The following GPC5 variants were observed in gnomAD, a reference collection of about 807,000 sequenced individuals.
GPC5 encodes glypican 5.
In GPC5, 47 loss-of-function variants were observed where a neutral mutation model predicts 53.9. The ratio of observed to expected loss-of-function variants is 0.87; its 90% confidence interval spans 0.69 to 1.11. The LOEUF (loss-of-function observed/expected upper bound fraction) is 1.11. Ranked by LOEUF, GPC5 falls within the 50% of genes most tolerant of loss-of-function variation. GPC5 has a pLI of 0.00. For synonymous variants in GPC5, 286 were observed against 263.3 expected, an observed-to-expected ratio of 1.09 and a Z score of -0.84; for missense variants, 748 against 713.1, an observed-to-expected ratio of 1.05 and a Z score of -0.56.
At chr13:92,481,580 C>T (rs545169602) in intron 7 of GPC5, among the ~76,000 whole-genome samples, 9 of 152,228 alleles carry the variant, frequency 5.9e-5, no homozygotes, top group East Asian at 1.9e-4. Flanking sequence ...TTACATCTCC[C>T]GTTCCAGAAT....
At chr13:92,669,795 G>T (rs931505632) in intron 7 of GPC5, among the ~76,000 whole-genome samples, 4 of 151,994 alleles carry the variant, frequency 2.6e-5, no homozygotes, top group Admixed American at 6.6e-5. Flanking sequence ...ACTCAGAATT[G>T]CACACAAGGC....
rs140790450 is a variant in GPC5 at position 91,432,205 on chromosome 13, G to GCTGC, written c.164-16556_164-16555insCTGC. ...TTCCACTGCTGCTGCTGCTGCTGCT[G>GCTGC]TGTGTGTGTGTGTGTGTGTGTGTGT... On this transcript the variant is annotated intron_variant, in intron 1 of 7. Coordinates refer to ENST00000377067, the MANE Select transcript of GPC5 (RefSeq NM_004466.6). Among the ~76,000 whole-genome samples, 228 of 119,570 alleles carry GCTGC rather than the reference G, an allele frequency of 1.9e-3. 4 individuals carry two copies. Among genetic ancestry groups the GCTGC allele is most frequent in the Middle Eastern group, 3.9e-3 (1 of 256 alleles). 78.4% of individuals were successfully genotyped at this position (119,570 alleles called of 152,430 possible).
chr13:92,831,622 A>C (rs961397144), intron 7 of GPC5, among the ~76,000 whole-genome samples: 1 of 152,184 alleles, frequency 6.6e-6, no homozygotes, highest in African/African-American at 2.4e-5. Flanking sequence ...TGCAAGAAAC[A>C]AAAAGCATTA....
intron 6 of GPC5, among the ~76,000 whole-genome samples, chr13:91,941,498 C>A (rs185948644): frequency 4.6e-5 from 7 of 152,212 alleles, no homozygotes; most frequent in Non-Finnish European, 7.4e-5. Flanking sequence ...TTCCTAGGAA[C>A]TCTCTCTTCA....
intron 7 of GPC5, among the ~76,000 whole-genome samples, chr13:92,779,187 C>T (rs1298364423): frequency 6.6e-6 from 1 of 152,008 alleles, no homozygotes; most frequent in East Asian, 1.9e-4. Context: ...AGAGCTTGTG[C>T]AGGGAAACTC....
intron 7 of GPC5, among the ~76,000 whole-genome samples, chr13:92,845,738 G>C (rs1878591970): frequency 6.6e-6 from 1 of 152,114 alleles, no homozygotes; most frequent in Admixed American, 6.6e-5. Flanking sequence ...TACAGTAGAG[G>C]AGGATTTACA....
At chr13:92,192,216 C>T (rs1308484780) in intron 7 of GPC5, among the ~76,000 whole-genome samples, 1 of 152,020 alleles carries the variant, frequency 6.6e-6, no homozygotes, top group Non-Finnish European at 1.5e-5. Flanking sequence ...CAAGAGCAAA[C>T]CCTAATGTCA....
intron 4 of GPC5, among the ~76,000 whole-genome samples, chr13:91,730,852 A>C (rs2036681682): frequency 6.6e-6 from 1 of 152,134 alleles, no homozygotes; most frequent in African/African-American, 2.4e-5. Context: ...AGGTGCAGAA[A>C]TTTTCCTTTT....
chr13:92,503,006 T>A (rs1468760883), intron 7 of GPC5, among the ~76,000 whole-genome samples: 1 of 151,822 alleles, frequency 6.6e-6, no homozygotes, highest in African/African-American at 2.4e-5. Flanking sequence ...ACAATAATAA[T>A]CAACTAAATA....
At chr13:92,713,228 A>G (rs1888202666) in intron 7 of GPC5, among the ~76,000 whole-genome samples, 1 of 152,116 alleles carries the variant, frequency 6.6e-6, no homozygotes, top group Admixed American at 6.6e-5. Flanking sequence ...AAATCCAGTG[A>G]GATAATGGGC....
At chr13:92,649,100 G>A (rs1245557199) in intron 7 of GPC5, among the ~76,000 whole-genome samples, 5 of 151,980 alleles carry the variant, frequency 3.3e-5, no homozygotes, top group Non-Finnish European at 4.4e-5. Flanking sequence ...CTATTTCCTC[G>A]CTAATCCAAA....
chr13:92,227,147 T>C (rs959619507), intron 7 of GPC5, among the ~76,000 whole-genome samples: 12 of 152,172 alleles, frequency 7.9e-5, no homozygotes, highest in African/African-American at 2.4e-4. Flanking sequence ...AAACATTGAA[T>C]AGTAAAGTCT....
At chr13:92,752,643 G>A (rs982007206) in intron 7 of GPC5, among the ~76,000 whole-genome samples, 4 of 152,152 alleles carry the variant, frequency 2.6e-5, no homozygotes, top group South Asian at 2.1e-4. Flanking sequence ...CACCGTGCGC[G>A]AGCTGAAGCA....
In GPC5 at chr13:91,561,931, G is replaced by A. The variant is rs9556103; in HGVS notation, c.325+113009G>A. 2.5e-3 allele frequency among the ~76,000 whole-genome samples: 381 copies of A among 152,200 alleles called. 9 individuals carry two copies. The East Asian group carries it at 0.05, about 20-fold the overall frequency. On this transcript the variant is annotated intron_variant, in intron 2 of 7. Transcript: ENST00000377067. Reference sequence around the variant, plus strand: ...ATTTGCAAGTTATCACTAGAAATGTGTACAGCTTGAATGCCATCTACTTTG... The same window carrying A: ...ATTTGCAAGTTATCACTAGAAATGTATACAGCTTGAATGCCATCTACTTTG...
intron 5 of GPC5, among the ~76,000 whole-genome samples, chr13:91,775,551 A>C (rs2037697504): frequency 6.6e-6 from 1 of 152,168 alleles, no homozygotes; most frequent in African/African-American, 2.4e-5. Flanking sequence ...TTTCCAACAC[A>C]TGGAAACACA....
intron 7 of GPC5, among the ~76,000 whole-genome samples, chr13:92,814,559 G>A (rs1329989249): frequency 6.6e-6 from 1 of 151,562 alleles, no homozygotes; most frequent in East Asian, 1.9e-4. Flanking sequence ...TATTTGGGAG[G>A]CTGAGGCAGG....
intron 5 of GPC5, among the ~76,000 whole-genome samples, chr13:91,853,106 T>C (rs1421761998): frequency 1.3e-5 from 2 of 152,128 alleles, no homozygotes; most frequent in African/African-American, 4.8e-5. Context: ...AGTGTTTACA[T>C]AGACTGACCA....
At chr13:91,864,831 C>A (rs2039066464) in intron 5 of GPC5, among the ~76,000 whole-genome samples, 1 of 151,884 alleles carries the variant, frequency 6.6e-6, no homozygotes, top group Admixed American at 6.6e-5. Flanking sequence ...TTTTGGGATC[C>A]TGAAACTGAA....
chr13:92,823,946 C>G (rs1165624032), intron 7 of GPC5, among the ~76,000 whole-genome samples: 3 of 151,998 alleles, frequency 2.0e-5, no homozygotes, highest in Admixed American at 6.6e-5. Flanking sequence ...ACTCCTTTTT[C>G]ACTTTTTTCC....
Sources: allele counts gnomAD v4.1 joint callset (sites outside exome capture counted in the v4.1 genomes callset), GRCh38; gene constraint gnomAD v4.1.1; transcripts MANE v1.5; gene names NCBI Gene and HGNC (gene_info 2026-07-23, HGNC 2026-07-21).